Variants in GAP43 observed in about 807,000 individuals in gnomAD.
The protein encoded by GAP43 is growth associated protein 43.
A neutral mutation model predicts 18.6 loss-of-function variants in GAP43; 6 were observed. The observed-to-expected ratio is 0.32, with a 90% CI of 0.18 to 0.64. GAP43 has a LOEUF of 0.64. Among genes scored for constraint, GAP43 ranks in the 30% least tolerant of loss-of-function variants. The pLI is 0.78. For synonymous variants in GAP43, 115 were observed against 111.4 expected (o/e 1.03, Z -0.20); for missense variants, 292 against 295.5 (o/e 0.99, Z 0.09).
chr3:115,699,675 TTGTCA>T (rs1435242122), intron 2 of GAP43, among the ~76,000 whole-genome samples: 1 of 152,218 alleles, frequency 6.6e-6, no homozygotes, highest in Non-Finnish European at 1.5e-5. Flanking sequence ...ACTTGCTGTC[TTGTCA>T]TATCAGTGCA....
chr3:115,668,984 A>G (rs1481932849), intron 1 of GAP43, among the ~76,000 whole-genome samples: 1 of 151,816 alleles, frequency 6.6e-6, no homozygotes, highest in East Asian at 2.0e-4. Flanking sequence ...TCAAGGCTGC[A>G]GCAGTCATCT....
At chr3:115,624,299 GATT>G (rs1289271441) in intron 1 of GAP43, among the ~76,000 whole-genome samples, 1 of 72,908 alleles carries the variant, frequency 1.4e-5, no homozygotes, top group Non-Finnish European at 2.7e-5. Flanking sequence ...TGATTTGATA[GATT>G]TTTTTTTTTT....
chr3:115,623,841 C>T (rs1001193863), intron 1 of GAP43, 122 bp downstream of exon 1: 2 of 939,934 alleles, frequency 2.1e-6, no homozygotes, highest in Non-Finnish European at 3.5e-6. Context: ...GCTTCCTTAG[C>T]ATATGGTAAC....
chr3:115,695,813 A>C (rs1048114315), intron 2 of GAP43, among the ~76,000 whole-genome samples: 1 of 152,190 alleles, frequency 6.6e-6, no homozygotes, highest in African/African-American at 2.4e-5. Context: ...CCAATGGCCA[A>C]TTCTAAGGCC....
intron 2 of GAP43, among the ~76,000 whole-genome samples, chr3:115,698,228 A>ATATAT (rs1334914341): frequency 7.7e-5 from 3 of 39,038 alleles, no homozygotes; most frequent in Non-Finnish European, 9.5e-5. Context: ...ATAATATATA[A>ATATAT]TATATATAAA....
intron 2 of GAP43, among the ~76,000 whole-genome samples, chr3:115,698,107 AAATATAT>A (rs1315348615): frequency 4.2e-4 from 16 of 38,252 alleles, no homozygotes; most frequent in East Asian, 1.3e-3. Context: ...ATAATATATA[AAATATAT>A]AATATATATT....
At chr3:115,628,963 G>A (rs1012334926) in intron 1 of GAP43, among the ~76,000 whole-genome samples, 11 of 152,188 alleles carry the variant, frequency 7.2e-5, no homozygotes, top group African/African-American at 2.7e-4. Flanking sequence ...ACCCAACTCA[G>A]TGTCTTCTGT....
chr3:115,675,758 CAAAAAAAAAAAAAAA>C (rs67744380), intron 1 of GAP43, among the ~76,000 whole-genome samples: 1 of 50,528 alleles, frequency 2.0e-5, no homozygotes, highest in African/African-American at 8.5e-5. Context: ...GACTCTATCT[CAAAAAAAAAAAAAAA>C]AAAAAAAAAA....
intron 2 of GAP43, among the ~76,000 whole-genome samples, chr3:115,683,137 G>GCACA (rs1287401880): frequency 2.4e-5 from 3 of 123,370 alleles, no homozygotes; most frequent in African/African-American, 9.6e-5. Context: ...GCGCGCGTGC[G>GCACA]CGCGCGCGCG....
At chr3:115,624,565 A>G (rs1293479113) in intron 1 of GAP43, among the ~76,000 whole-genome samples, 2 of 152,122 alleles carry the variant, frequency 1.3e-5, no homozygotes, top group African/African-American at 4.8e-5. Context: ...AACATCCTGG[A>G]TAATAAGTAT....
At chr3:115,647,258 C>T (rs553966292) in intron 1 of GAP43, among the ~76,000 whole-genome samples, 2 of 151,964 alleles carry the variant, frequency 1.3e-5, no homozygotes, top group Non-Finnish European at 2.9e-5. Flanking sequence ...CACTAGACAC[C>T]AAATCTGCCA....
chr3:115,624,963 G>A (rs958445041), intron 1 of GAP43, among the ~76,000 whole-genome samples: 2 of 151,596 alleles, frequency 1.3e-5, no homozygotes, highest in Non-Finnish European at 2.9e-5. Flanking sequence ...TGCCTTAGGG[G>A]TGGGGTGCAA....
At chr3:115,650,241 G>A (rs1000688086) in intron 1 of GAP43, among the ~76,000 whole-genome samples, 3 of 152,034 alleles carry the variant, frequency 2.0e-5, no homozygotes, top group African/African-American at 4.8e-5. Flanking sequence ...GGCTCCCTTC[G>A]CTGGGTGTAT....
chr3:115,654,042 C>T (rs1708553546), intron 1 of GAP43, among the ~76,000 whole-genome samples: 1 of 152,194 alleles, frequency 6.6e-6, no homozygotes, highest in South Asian at 2.1e-4. Flanking sequence ...TTTACACATT[C>T]CTTCTGTGAT....
At chr3:115,711,872 G>T (rs929705528) in intron 2 of GAP43, among the ~76,000 whole-genome samples, 1 of 152,074 alleles carries the variant, frequency 6.6e-6, no homozygotes, top group Admixed American at 6.6e-5. Context: ...TTTAGAAGTT[G>T]ACTTATTCAT....
intron 1 of GAP43, among the ~76,000 whole-genome samples, chr3:115,656,851 T>C (rs1708590493): frequency 6.6e-6 from 1 of 152,250 alleles, no homozygotes; most frequent in South Asian, 2.1e-4. Flanking sequence ...AAATTCTATA[T>C]GTTTGCAATG....
chr3:115,652,825 T>G (rs1708538843), intron 1 of GAP43, among the ~76,000 whole-genome samples: 1 of 152,238 alleles, frequency 6.6e-6, no homozygotes, highest in African/African-American at 2.4e-5. Context: ...AAGTGTAATT[T>G]TGGTTCAGAC....
intron 2 of GAP43, among the ~76,000 whole-genome samples, chr3:115,719,062 T>G (rs527741649): frequency 6.6e-6 from 1 of 152,342 alleles, no homozygotes; most frequent in South Asian, 2.1e-4. Context: ...CCTCAAAGCA[T>G]AGCTGTATTA....
At chr3:115,628,347 A>T (rs1043145140) in intron 1 of GAP43, among the ~76,000 whole-genome samples, 2 of 151,876 alleles carry the variant, frequency 1.3e-5, no homozygotes. Context: ...CTTTTGCCTC[A>T]TCTATCTTAA....
Sources: gnomAD v4.1 joint callset for allele counts (sites outside exome capture counted in the v4.1 genomes callset) on GRCh38, gnomAD v4.1.1 for gene constraint, MANE v1.5 for transcripts, NCBI Gene and HGNC (gene_info 2026-07-23, HGNC 2026-07-21) for gene names.